RAB6B: variants seen among roughly 807,000 people sequenced by gnomAD.
RAB6B encodes RAB6B, member RAS oncogene family.
RAB6B carries 7 observed loss-of-function variants against 31.2 expected under a neutral mutation model. The observed-to-expected ratio is 0.22, with a 90% CI of 0.13 to 0.42. The LOEUF (loss-of-function observed/expected upper bound fraction) is 0.42, where lower values mean the gene tolerates loss of function less well. Among genes scored for constraint, RAB6B ranks in the 10% least tolerant of loss-of-function variants. The pLI is 1.00. For synonymous variants in RAB6B, 105 were observed against 104.9 expected (o/e 1.00, Z -0.01); for missense variants, 149 against 280.6 (o/e 0.53, Z 3.35).
intron 1 of RAB6B, among the ~76,000 whole-genome samples, chr3:133,877,324 C>T (rs1388604225): frequency 1.3e-5 from 2 of 152,224 alleles, no homozygotes; most frequent in African/African-American, 4.8e-5. Context: ...GAGGAAACTA[C>T]TTGAGACTGG....
intron 6 of RAB6B, among the ~76,000 whole-genome samples, chr3:133,835,977 C>G (rs957609475): frequency 6.6e-6 from 1 of 152,164 alleles, no homozygotes; most frequent in Non-Finnish European, 1.5e-5. Context: ...AAGGACTAAC[C>G]CAGGAGCACT....
intron 2 of RAB6B, among the ~76,000 whole-genome samples, chr3:133,842,558 T>C (rs2107992212): frequency 6.6e-6 from 1 of 152,356 alleles, no homozygotes; most frequent in Middle Eastern, 3.4e-3. Flanking sequence ...TTAGAACCCT[T>C]GGCAGCTGTT....
At chr3:133,872,854 C>T (rs1027288835) in intron 1 of RAB6B, among the ~76,000 whole-genome samples, 3 of 152,184 alleles carry the variant, frequency 2.0e-5, no homozygotes, top group African/African-American at 4.8e-5. Flanking sequence ...GACGCTCAGC[C>T]GCCTGGGCCT....
At position 133,872,027 on chromosome 3, in the gene RAB6B, G is replaced by A. The variant is rs191276465; in HGVS notation, c.71-7385C>T. On this transcript the variant is annotated intron_variant, in intron 1 of 7. Transcript: ENST00000285208. ...TCACTGCCATTTCTAAGCCATCTTG[G>A]TGGGCTGCCCACCTCTCAGATGCCT... 3.9e-5 allele frequency among the ~76,000 whole-genome samples: 6 copies of A among 152,326 alleles called. No homozygotes were observed. The East Asian group carries it at 9.6e-4, about 24-fold the overall frequency.
chr3:133,827,710 A>C lies in RAB6B; in HGVS notation c.*1078T>G. ...AATATTAGCAGCTGAGGCTCTAAGA[A>C]CATGGATCTTTCAAGGTGGTGGTTC... is the stretch of plus-strand genomic sequence containing the variant. On this transcript the variant is annotated 3_prime_UTR_variant, in exon 8 of 8. Coordinates refer to ENST00000285208, the MANE Select transcript of RAB6B (RefSeq NM_016577.4). The C allele has an allele frequency of 1.7e-6, 1 of 593,822 alleles. No individual in the cohort carries two copies. Among genetic ancestry groups the C allele is most frequent in the Non-Finnish European group, 3.0e-6 (1 of 332,756 alleles). 36.8% of individuals were successfully genotyped at this position (593,822 alleles called of 1,614,324 possible).
At chr3:133,875,689 C>A (rs1936386007) in intron 1 of RAB6B, among the ~76,000 whole-genome samples, 1 of 152,168 alleles carries the variant, frequency 6.6e-6, no homozygotes, top group South Asian at 2.1e-4. Context: ...GAGTCCACAC[C>A]TGACTTGAGA....
At chr3:133,894,253 A>C (rs1936676302) in intron 1 of RAB6B, 1 of 152,318 alleles carries the variant, frequency 6.6e-6, no homozygotes, top group Non-Finnish European at 1.5e-5. Context: ...CCCAGAGCAG[A>C]GCTGACCAGA....
chr3:133,849,209 C>T lies in RAB6B; in HGVS notation c.130-7546G>A, dbSNP rs191437726. Among the ~76,000 whole-genome samples the T allele has an allele frequency of 2.0e-3, 300 of 152,294 alleles. 2 individuals are homozygous for T. The highest frequency in any genetic ancestry group is 3.2e-3 in the Non-Finnish European group (221 of 68,018). On this transcript the variant is annotated intron_variant, in intron 2 of 7. Transcript: ENST00000285208. ...GGTTGGTCCAGGGCCCCTCATTTAA[C>T]ACTTTCTCTGTTAAACTGGAAAGAT...
intron 1 of RAB6B, among the ~76,000 whole-genome samples, chr3:133,868,816 A>G (rs1936277936): frequency 6.6e-6 from 1 of 152,198 alleles, no homozygotes; most frequent in East Asian, 1.9e-4. Flanking sequence ...CTGGGCCTCT[A>G]TTCAGCAGCA....
At chr3:133,893,679 G>A (rs774900988) in intron 1 of RAB6B, among the ~76,000 whole-genome samples, 13 of 152,164 alleles carry the variant, frequency 8.5e-5, no homozygotes, top group African/African-American at 3.1e-4. Context: ...TTGTCTTCAA[G>A]CAACCATTTT....
At chr3:133,875,821 G>A (rs1473484575) in intron 1 of RAB6B, among the ~76,000 whole-genome samples, 2 of 152,272 alleles carry the variant, frequency 1.3e-5, no homozygotes, top group East Asian at 1.9e-4. Flanking sequence ...CCCACAGAAT[G>A]CATCCCATTA....
At chr3:133,830,982 G>T (rs1480575527) in intron 7 of RAB6B, among the ~76,000 whole-genome samples, 2 of 152,224 alleles carry the variant, frequency 1.3e-5, no homozygotes, top group Non-Finnish European at 2.9e-5. Flanking sequence ...CTGTGGGGAG[G>T]GGAGGGAAGG....
At chr3:133,831,322 A>C (rs1205328187) in intron 7 of RAB6B, among the ~76,000 whole-genome samples, 1 of 152,190 alleles carries the variant, frequency 6.6e-6, no homozygotes, top group South Asian at 2.1e-4. Flanking sequence ...CTAGAACAGC[A>C]CTGTCCAAAG....
intron 1 of RAB6B, among the ~76,000 whole-genome samples, chr3:133,886,970 G>T (rs1300175489): frequency 6.6e-6 from 1 of 152,014 alleles, no homozygotes; most frequent in African/African-American, 2.4e-5. Flanking sequence ...TCAGCAGAGG[G>T]GTGGGCTGAG....
At chr3:133,854,454 C>T (rs150490539) in intron 2 of RAB6B, among the ~76,000 whole-genome samples, 16 of 152,308 alleles carry the variant, frequency 1.1e-4, no homozygotes, top group African/African-American at 3.6e-4. Flanking sequence ...TCCCTATGAC[C>T]CTCCTCTCCC....
intron 1 of RAB6B, among the ~76,000 whole-genome samples, chr3:133,877,592 T>C (rs1390490090): frequency 6.6e-6 from 1 of 151,930 alleles, no homozygotes; most frequent in Non-Finnish European, 1.5e-5. Flanking sequence ...AAAATCACAA[T>C]GTCTGGTATC....
In RAB6B at chr3:133,895,834, C is replaced by T. The variant is rs995307862; in HGVS notation, c.-368G>A. ...CGGAGGAGCGCTCTCCAGAGCCGCG[C>T]CAGTCGGCCCCCTCCCGCCTGCCTC... On this transcript the variant is annotated 5_prime_UTR_variant, in exon 1 of 8. Coordinates refer to ENST00000285208, the MANE Select transcript of RAB6B (RefSeq NM_016577.4). 10 of 222,208 alleles carry T rather than the reference C, an allele frequency of 4.5e-5. No individual in the cohort carries two copies. Among genetic ancestry groups the T allele is most frequent in the African/African-American group, 2.1e-4 (9 of 43,750 alleles). 13.8% of individuals were successfully genotyped at this position (222,208 alleles called of 1,614,324 possible).
intron 1 of RAB6B, among the ~76,000 whole-genome samples, chr3:133,889,417 TA>T (rs1936602269): frequency 8.4e-5 from 5 of 59,342 alleles, no homozygotes; most frequent in African/African-American, 2.7e-4. Flanking sequence ...TATATATATA[TA>T]TATATATATA....
chr3:133,839,677 AAG>A, intron 4 of RAB6B, 60 bp from the exon 5 acceptor site: 1 of 1,294,106 alleles, frequency 7.7e-7, no homozygotes, highest in Non-Finnish European at 1.1e-6. Flanking sequence ...GGGAGATGGG[AAG>A]GGGAGGTGTG....
Sources: allele counts gnomAD v4.1 joint callset (sites outside exome capture counted in the v4.1 genomes callset), GRCh38; gene constraint gnomAD v4.1.1; transcripts MANE v1.5; gene names NCBI Gene and HGNC (gene_info 2026-07-23, HGNC 2026-07-21).